PIGK: variants seen among roughly 807,000 people sequenced by gnomAD.
The protein encoded by PIGK is phosphatidylinositol glycan anchor biosynthesis class K.
In PIGK, 42 loss-of-function variants were observed where a neutral mutation model predicts 50.6. The observed-to-expected ratio is 0.83, with a 90% CI of 0.65 to 1.07. PIGK has a LOEUF of 1.07. Among genes scored for constraint, PIGK ranks in the 50% least tolerant of loss-of-function variants. The pLI is 0.00. For missense variants in PIGK, 448 were observed against 488.7 expected (o/e 0.92, Z 0.78); for synonymous variants, 151 against 156.0 (o/e 0.97, Z 0.24).
intron 3 of PIGK, among the ~76,000 whole-genome samples, chr1:77,180,702 A>AT (rs1655591159): frequency 9.0e-6 from 1 of 110,926 alleles, no homozygotes; most frequent in South Asian, 3.4e-4. Context: ...CAGGACAACT[A>AT]GAAGTGGGTG....
intron 9 of PIGK, among the ~76,000 whole-genome samples, chr1:77,126,168 AG>A (rs1284791151): frequency 9.9e-5 from 15 of 151,870 alleles, no homozygotes; most frequent in African/African-American, 3.6e-4. Context: ...GTTTCATTTC[AG>A]TTTTCCTGTT....
rs1386937992 is a variant in PIGK at position 77,182,200 on chromosome 1, G to A, written c.240-12805C>T. On this transcript the variant is annotated intron_variant, in intron 3 of 10. Coordinates refer to ENST00000370812, the MANE Select transcript of PIGK (RefSeq NM_005482.3). ...AAAGTTACATGTGGTTGAATATAACGAAGATAACAGCTAACATTTATTGAG... is the reference window on the plus strand; with the variant it reads ...AAAGTTACATGTGGTTGAATATAACAAAGATAACAGCTAACATTTATTGAG... 7.9e-5 allele frequency among the ~76,000 whole-genome samples: 12 copies of A among 152,240 alleles called. No individual in the cohort carries two copies. The South Asian group carries it at 1.7e-3, about 21-fold the overall frequency.
intron 3 of PIGK, among the ~76,000 whole-genome samples, chr1:77,172,377 G>A (rs1024551554): frequency 5.3e-5 from 8 of 152,202 alleles, no homozygotes; most frequent in African/African-American, 1.9e-4. Flanking sequence ...TCCAATTTCT[G>A]TACCTCACTT....
At chr1:77,122,429 A>G in intron 9 of PIGK, 70 bp from the exon 10 acceptor site, 1 of 813,592 alleles carries the variant, frequency 1.2e-6, no homozygotes, top group Non-Finnish European at 2.1e-6. Context: ...ATATTTAAAT[A>G]TGTCAAATAT....
chr1:77,211,675 A>C (rs1222197361), intron 1 of PIGK, among the ~76,000 whole-genome samples: 1 of 152,068 alleles, frequency 6.6e-6, no homozygotes, highest in African/African-American at 2.4e-5. Context: ...TTTAATAGTC[A>C]TCTCAGTTGA....
chr1:77,181,956 C>T (rs1271833979), intron 3 of PIGK, among the ~76,000 whole-genome samples: 1 of 152,158 alleles, frequency 6.6e-6, no homozygotes, highest in Non-Finnish European at 1.5e-5. Flanking sequence ...AGATGCTTGA[C>T]CATCAAGATT....
chr1:77,216,639 G>C (rs536070513), intron 1 of PIGK, among the ~76,000 whole-genome samples: 18 of 151,580 alleles, frequency 1.2e-4, no homozygotes, highest in African/African-American at 3.9e-4. Flanking sequence ...GTGTGGGGGG[G>C]TGTGTGTGTG....
At chr1:77,154,935 G>A (rs990382158) in intron 8 of PIGK, among the ~76,000 whole-genome samples, 27 of 152,096 alleles carry the variant, frequency 1.8e-4, no homozygotes, top group African/African-American at 5.8e-4. Context: ...TACTCAACAC[G>A]ATGAAAACAG....
chr1:77,103,148 T>C (rs1439077167), intron 10 of PIGK, among the ~76,000 whole-genome samples: 1 of 152,226 alleles, frequency 6.6e-6, no homozygotes, highest in Non-Finnish European at 1.5e-5. Flanking sequence ...TTATGAGGCA[T>C]ACAATATCAG....
rs146146376 is a variant in PIGK, at chr1:77,173,861, T to C, written c.240-4466A>G. The stretch of plus-strand genomic sequence containing the variant: ...TGCCTGAGGTCTCCATCTTGTTTTG[T>C]CCTTGGGAGCTTAACTGTGTAATCA... On this transcript the variant is annotated intron_variant, in intron 3 of 10. Coordinates refer to ENST00000370812, the MANE Select transcript of PIGK (RefSeq NM_005482.3). Among the ~76,000 whole-genome samples, 394 of 152,368 alleles carry C rather than the reference T, an allele frequency of 2.6e-3. 2 individuals carry two copies. Among genetic ancestry groups the C allele is most frequent in the African/African-American group, 5.4e-3 (224 of 41,590 alleles).
intron 10 of PIGK, among the ~76,000 whole-genome samples, chr1:77,100,291 T>C (rs1168706882): frequency 6.6e-6 from 1 of 152,234 alleles, no homozygotes; most frequent in East Asian, 1.9e-4. Context: ...ACTAAGGTTA[T>C]AGTTATAATT....
At chr1:77,200,560 A>C (rs1656140194) in intron 3 of PIGK, among the ~76,000 whole-genome samples, 2 of 152,084 alleles carry the variant, frequency 1.3e-5, no homozygotes, top group South Asian at 4.1e-4. Flanking sequence ...ATTTTAGAAT[A>C]AGGTATTTAA....
chr1:77,182,573 T>C (rs1304016644), intron 3 of PIGK, among the ~76,000 whole-genome samples: 1 of 152,152 alleles, frequency 6.6e-6, no homozygotes, highest in Non-Finnish European at 1.5e-5. Flanking sequence ...TTAAGTGTTA[T>C]ATATATTTGC....
intron 1 of PIGK, among the ~76,000 whole-genome samples, chr1:77,215,265 G>A (rs1431564487): frequency 6.6e-6 from 1 of 151,970 alleles, no homozygotes; most frequent in East Asian, 1.9e-4. Flanking sequence ...ACGAGCAAAG[G>A]ATCTGAATAG....
At chr1:77,161,494 G>C in intron 7 of PIGK, 89 bp from the exon 8 acceptor site, 1 of 957,470 alleles carries the variant, frequency 1.0e-6, no homozygotes, top group South Asian at 1.3e-5. Context: ...TAATGTATTA[G>C]TCTAAGAAAG....
At position 77,161,361 on chromosome 1, in the gene PIGK, G is replaced by C. The variant is rs766756600; in HGVS notation, c.747C>G (p.Tyr249Ter). 1 of 1,606,478 alleles carries C rather than the reference G, an allele frequency of 6.2e-7. No individual in the cohort carries two copies. Among genetic ancestry groups the C allele is most frequent in the Non-Finnish European group, 8.5e-7 (1 of 1,173,250 alleles). Residue 249 changes from tyrosine (Y) to a stop codon, truncating the protein, a stop_gained, in exon 8 of 11, where the codon TAC (tyrosine) becomes TAG (stop). Transcript: ENST00000370812. LOFTEE classifies it high-confidence loss of function. ...PAIGVHLMDRYTFYVLEFLEE... is the reference protein window; with the variant it reads ...PAIGVHLMDR ...CCAAAAATTCCAAGACATAAAATGTGTATCTATCCATAAGATGGACTCCAA... is the reference window on the plus strand; with the variant it reads ...CCAAAAATTCCAAGACATAAAATGTCTATCTATCCATAAGATGGACTCCAA...
At chr1:77,152,509 A>G (rs1654915525) in intron 9 of PIGK, among the ~76,000 whole-genome samples, 1 of 152,148 alleles carries the variant, frequency 6.6e-6, no homozygotes. Context: ...ATGAAATTAC[A>G]TCAAGCTAAA....
At chr1:77,210,200 T>A (rs1656384996) in intron 2 of PIGK, among the ~76,000 whole-genome samples, 1 of 152,094 alleles carries the variant, frequency 6.6e-6, no homozygotes, top group African/African-American at 2.4e-5. Context: ...ATAGCATTCC[T>A]AATTTATTCT....
At chr1:77,115,835 G>A (rs1176226360) in intron 10 of PIGK, among the ~76,000 whole-genome samples, 3 of 152,106 alleles carry the variant, frequency 2.0e-5, no homozygotes, top group Non-Finnish European at 2.9e-5. Context: ...AGGTGATACT[G>A]TACCACCATC....
Sources: allele counts gnomAD v4.1 joint callset (sites outside exome capture counted in the v4.1 genomes callset), GRCh38; gene constraint gnomAD v4.1.1; transcripts MANE v1.5; gene names NCBI Gene and HGNC (gene_info 2026-07-23, HGNC 2026-07-21).